Variants in NTRK1 observed in about 807,000 individuals in gnomAD.
The protein encoded by NTRK1 is high affinity nerve growth factor receptor.
In NTRK1, 62 loss-of-function variants were observed where a neutral mutation model predicts 86.8. The observed-to-expected ratio is 0.71, with a 90% CI of 0.58 to 0.88. The LOEUF (loss-of-function observed/expected upper bound fraction) is 0.88. Among genes scored for constraint, NTRK1 ranks in the 40% least tolerant of loss-of-function variants. NTRK1 has a pLI of 0.00. For synonymous variants in NTRK1, 469 were observed against 456.6 expected (o/e 1.03, Z -0.35); for missense variants, 967 against 1,078.4 (o/e 0.90, Z 1.45).
At chr1:156,830,232 CTG>C (rs1654433997) in intron 1 of NTRK1, among the ~76,000 whole-genome samples, 1 of 152,176 alleles carries the variant, frequency 6.6e-6, no homozygotes, top group Non-Finnish European at 1.5e-5. Flanking sequence ...ATCAGTTACT[CTG>C]TGTGTGGAAG....
intron 1 of NTRK1, among the ~76,000 whole-genome samples, chr1:156,829,201 C>T (rs969827707): frequency 1.5e-4 from 23 of 152,158 alleles, no homozygotes; most frequent in African/African-American, 4.6e-4. Flanking sequence ...GAGTAGGTGA[C>T]GCTTTTGGAA....
chr1:156,875,653 C>A lies in NTRK1; in HGVS notation c.1488C>A (p.Tyr496Ter). ...LQGHIIENPQYFSDACVHHIK... is the reference protein window; with the variant it reads ...LQGHIIENPQ Reference sequence around the variant, plus strand: ...GCCACATCATCGAGAACCCACAATACTTCAGTGATGCCTGTGAGGGGCTAT... The same window carrying A: ...GCCACATCATCGAGAACCCACAATAATTCAGTGATGCCTGTGAGGGGCTAT... The change falls in exon 12 of 17, where the codon TAC becomes TAA. Residue 496 changes from tyrosine (Y) to a stop codon, truncating the protein, a stop_gained. Transcript: ENST00000524377. LOFTEE classifies it high-confidence loss of function. The A allele has an allele frequency of 6.2e-7, 1 of 1,612,576 alleles. No homozygotes were observed. The highest frequency in any genetic ancestry group is 8.5e-7 in the Non-Finnish European group (1 of 1,179,870).
chr1:156,851,389 G>A, intron 2 of NTRK1: 1 of 1,614,176 alleles, frequency 6.2e-7, no homozygotes, highest in African/African-American at 1.3e-5. Context: ...GCCAGTAATG[G>A]TTTCTACCAG....
In NTRK1 at chr1:156,854,230, G is replaced by A; in HGVS notation, c.51-10124G>A. ...TGAACATGAGCAGGATCTGCAGGTG[G>A]CCCTCCACCACGCTGCAGTTCTCCA... On this transcript the variant is annotated intron_variant, in intron 2 of 16. Coordinates refer to the NTRK1 transcript ENST00000392302. The surrounding 1 kb of genome is among the most constrained non-coding windows in gnomAD (Gnocchi z 4.2). 6.2e-7 allele frequency: 1 copy of A among 1,613,868 alleles called. No individual in the cohort carries two copies. Among genetic ancestry groups the A allele is most frequent in the Non-Finnish European group, 8.5e-7 (1 of 1,180,016 alleles).
chr1:156,845,867 A>C, intron 2 of NTRK1: 1 of 1,601,156 alleles, frequency 6.2e-7, no homozygotes, highest in South Asian at 1.1e-5. Flanking sequence ...CCCGCCTCTG[A>C]TCCCCCCCAC....
chr1:156,819,660 C>T (rs572580666), intron 1 of NTRK1, among the ~76,000 whole-genome samples: 1 of 151,932 alleles, frequency 6.6e-6, no homozygotes, highest in Non-Finnish European at 1.5e-5. Context: ...GCTGGGATTA[C>T]AGGCATGCGC....
chr1:156,864,843 C>A lies in NTRK1; in HGVS notation c.359+44C>A, dbSNP rs780977533. On this transcript the variant is annotated intron_variant, in intron 3 of 16. Transcript: ENST00000524377. ...GGGCAGTGGGAGTTGGGGAGGACAC[C>A]CAGACTTGGGCTGCTAATGGGCTTG... The A allele has an allele frequency of 1.3e-5, 20 of 1,583,934 alleles. No homozygotes were observed. The South Asian group carries it at 2.2e-4, about 17-fold the overall frequency.
chr1:156,837,406 G>T (rs1654621870), intron 1 of NTRK1, among the ~76,000 whole-genome samples: 1 of 152,234 alleles, frequency 6.6e-6, no homozygotes, highest in South Asian at 2.1e-4. Context: ...TCCAGCAGTG[G>T]ATGGTGCCAC....
chr1:156,864,626 A>T, intron 2 of NTRK1, 102 bp from the exon 3 acceptor site: 1 of 1,280,014 alleles, frequency 7.8e-7, no homozygotes, highest in South Asian at 1.2e-5. Flanking sequence ...GAGGAGGGGT[A>T]GGGGTTCAGC....
chr1:156,816,521 C>A (rs1456537023), intron 1 of NTRK1, among the ~76,000 whole-genome samples: 1 of 152,240 alleles, frequency 6.6e-6, no homozygotes, highest in Non-Finnish European at 1.5e-5. Context: ...GAGCCCCAGG[C>A]AGGGTTGTGG....
rs115990278 is a variant in NTRK1, at chr1:156,845,125, G to T, written c.50+2932G>T. The T allele has an allele frequency of 5.6e-4, 905 of 1,611,498 alleles. 6 individuals carry two copies. In the African/African-American group the frequency reaches 0.011, roughly 19 times the overall value. Reference sequence around the variant, plus strand: ...CGAAGGTGGCGGCGCTGCAGCCCACGGTGTGCGCCGCGTGGTTGCAGGCAT... The same window carrying T: ...CGAAGGTGGCGGCGCTGCAGCCCACTGTGTGCGCCGCGTGGTTGCAGGCAT... On this transcript the variant is annotated intron_variant, in intron 2 of 16. Transcript: ENST00000392302.
rs1472451568 is a variant in NTRK1, at chr1:156,860,922, G to C, written c.-13G>C. 4 of 1,435,948 alleles carry C rather than the reference G, an allele frequency of 2.8e-6. No homozygotes were observed. The highest frequency in any genetic ancestry group is 3.6e-6 in the Non-Finnish European group (4 of 1,105,870). 89.0% of individuals were successfully genotyped at this position (1,435,948 alleles called of 1,614,324 possible). A position where few individuals can be genotyped will look rare whatever the true frequency, so the allele number is the denominator to read the frequency against. ...GACGGCTGCCCCGCCTGAGCGAGGC[G>C]GGCGCCGCCGCGATGCTGCGAGGCG... On this transcript the variant is annotated 5_prime_UTR_variant, in exon 1 of 17. Coordinates refer to ENST00000524377, the MANE Select transcript of NTRK1 (RefSeq NM_002529.4).
intron 1 of NTRK1, chr1:156,816,636 G>A (rs1558070573): frequency 2.5e-6 from 4 of 1,589,828 alleles, no homozygotes; most frequent in East Asian, 2.3e-5. Context: ...GGGGGTCTTT[G>A]TGCCCCCTCC....
chr1:156,880,991 A>G lies in NTRK1; in HGVS notation c.2206-466A>G, dbSNP rs184545003. 2.6e-5 allele frequency among the ~76,000 whole-genome samples: 4 copies of G among 152,254 alleles called. No individual in the cohort carries two copies. The East Asian group carries it at 7.7e-4, about 29-fold the overall frequency. ...ACAGAGTGGTATCCCTAGAAGGGAG[A>G]AGTAAGGATTGCCCTCTTCTTTAAA... On this transcript the variant is annotated intron_variant, in intron 16 of 16. Transcript: ENST00000524377.
intron 1 of NTRK1, among the ~76,000 whole-genome samples, chr1:156,828,183 T>G (rs72698646): frequency 0.048 from 7,382 of 152,276 alleles, 242 homozygotes; most frequent in African/African-American, 0.087. Flanking sequence ...TATTGATAAA[T>G]TAGATCATTT....
At chr1:156,845,142 T>C in intron 2 of NTRK1, 1 of 1,612,148 alleles carries the variant, frequency 6.2e-7, no homozygotes, top group South Asian at 1.1e-5. Context: ...GCCGCGTGGT[T>C]GCAGGCATGG....
intron 1 of NTRK1, among the ~76,000 whole-genome samples, chr1:156,835,816 C>G (rs954933798): frequency 6.6e-6 from 1 of 152,194 alleles, no homozygotes; most frequent in African/African-American, 2.4e-5. Flanking sequence ...GGCCTTCCAG[C>G]ATTAAGGTCT....
At chr1:156,829,839 A>T (rs1216989010) in intron 1 of NTRK1, among the ~76,000 whole-genome samples, 4 of 151,988 alleles carry the variant, frequency 2.6e-5, no homozygotes, top group Non-Finnish European at 5.9e-5. Context: ...TTTAGTAGAG[A>T]TGGGGGTTTC....
intron 11 of NTRK1, 81 bp downstream of exon 11, chr1:156,875,089 T>TG: frequency 1.9e-6 from 2 of 1,043,550 alleles, no homozygotes; most frequent in Non-Finnish European, 1.5e-6. Context: ...ACTCTGTCTC[T>TG]GGGGGGCTGT....
Sources: allele counts gnomAD v4.1 joint callset (sites outside exome capture counted in the v4.1 genomes callset), GRCh38; gene constraint gnomAD v4.1.1; non-coding constraint Gnocchi (gnomAD v3.1); transcripts MANE v1.5; gene names NCBI Gene and HGNC (gene_info 2026-07-23, HGNC 2026-07-21).